RMDN1: variants seen among roughly 807,000 people sequenced by gnomAD.
The protein encoded by RMDN1 is regulator of microtubule dynamics protein 1.
A neutral mutation model predicts 48.9 loss-of-function variants in RMDN1; 48 were observed. The ratio of observed to expected loss-of-function variants is 0.98; its 90% CI spans 0.78 to 1.25. RMDN1 has a LOEUF of 1.25. Ranked by LOEUF, RMDN1 falls within the 50% of genes most tolerant of loss-of-function variation. The probability of loss-of-function intolerance (pLI) is 0.00; values close to 1 mark genes in which losing one functional copy is unlikely to be tolerated. For synonymous variants in RMDN1, 148 were observed against 132.6 expected (o/e 1.12, Z -0.80); for missense variants, 418 against 373.4 (o/e 1.12, Z -0.98).
intron 2 of RMDN1, chr8:86,504,848 T>C (rs1819038733): frequency 9.3e-7 from 1 of 1,076,170 alleles, no homozygotes; most frequent in Admixed American, 1.7e-5. Context: ...CCTCTGCTGC[T>C]TATTATTTAG....
chr8:86,473,992 C>T lies in RMDN1; in HGVS notation c.*316G>A, dbSNP rs1812942170. On this transcript the variant is annotated 3_prime_UTR_variant, in exon 10 of 10. Coordinates refer to ENST00000406452, the MANE Select transcript of RMDN1 (RefSeq NM_016033.3). ...CTATAGATCCATTTCCCCTCCTCTA[C>T]AAATATTTCTTTGCTTGATCTCCCA... is the stretch of plus-strand genomic sequence containing the variant. The T allele has an allele frequency of 8.4e-6, 9 of 1,075,130 alleles. No homozygotes were observed. The highest frequency in any genetic ancestry group is 1.7e-5 in the African/African-American group (1 of 59,464). 66.6% of individuals were successfully genotyped at this position (1,075,130 alleles called of 1,614,324 possible).
chr8:86,468,807 G>C, downstream of RMDN1: 1 of 435,778 alleles, frequency 2.3e-6, no homozygotes, highest in Non-Finnish European at 4.6e-6. Flanking sequence ...CAGAGCTCTT[G>C]ATTTATCTAC....
chr8:86,503,366 C>CAAAAAAAAAAAAAAAAAAAAAAAAA (rs1354324383), intron 2 of RMDN1, among the ~76,000 whole-genome samples: 13 of 70,454 alleles, frequency 1.8e-4, no homozygotes, highest in Non-Finnish European at 2.9e-4. Flanking sequence ...CAAAACAAAA[C>CAAAAAAAAAAAAAAAAAAAAAAAAA]AAAACAAAAA....
upstream of RMDN1, among the ~76,000 whole-genome samples, chr8:86,513,229 C>T (rs757317620): frequency 3.9e-5 from 6 of 152,078 alleles, no homozygotes; most frequent in Admixed American, 6.5e-5. Flanking sequence ...ACAAAATTAG[C>T]TGGGCATGGT....
At position 86,503,390 on chromosome 8, in the gene RMDN1, C is replaced by CA. The variant is rs1405705068; in HGVS notation, c.247+3604dup. Among the ~76,000 whole-genome samples, 257 of 56,528 alleles carry CA rather than the reference C, an allele frequency of 4.5e-3. 18 individuals are homozygous for CA. Among genetic ancestry groups the CA allele is most frequent in the African/African-American group, 0.014 (210 of 15,078 alleles). 37.1% of individuals were successfully genotyped at this position (56,528 alleles called of 152,430 possible). On this transcript the variant is annotated intron_variant, in intron 2 of 9. Transcript: ENST00000406452. Reference sequence around the variant, plus strand: ...ACAAAACAAAAAAAAAAAAAAAAAACAAAAAAAAATAACAAAAATAACTTG... The same window carrying CA: ...ACAAAACAAAAAAAAAAAAAAAAAACAAAAAAAAAATAACAAAAATAACTTG...
chr8:86,477,958 T>G (rs1813667461), intron 7 of RMDN1: 1 of 151,860 alleles, frequency 6.6e-6, no homozygotes, highest in Non-Finnish European at 1.5e-5. Flanking sequence ...GCAATCACTG[T>G]TTATTGCAGC....
chr8:86,508,058 A>G (rs1819672222), intron 1 of RMDN1: 1 of 158,914 alleles, frequency 6.3e-6, no homozygotes, highest in African/African-American at 2.4e-5. Flanking sequence ...TTTTAAACAA[A>G]AACCTAAACA....
chr8:86,501,777 CCT>C (rs1222231939), intron 2 of RMDN1, among the ~76,000 whole-genome samples: 1 of 151,976 alleles, frequency 6.6e-6, no homozygotes, highest in Non-Finnish European at 1.5e-5. Context: ...TAAGACTTGT[CCT>C]AACTATTTTA....
intron 2 of RMDN1, 55 bp from the exon 3 acceptor site, chr8:86,488,694 A>G: frequency 8.3e-7 from 1 of 1,197,642 alleles, no homozygotes; most frequent in Non-Finnish European, 1.2e-6. Context: ...CCCAAGTCAG[A>G]TGACAATAAT....
intron 1 of RMDN1, among the ~76,000 whole-genome samples, chr8:86,507,533 TCTCA>T (rs1819581498): frequency 6.6e-6 from 1 of 152,106 alleles, no homozygotes; most frequent in African/African-American, 2.4e-5. Flanking sequence ...AGAGACAGGG[TCTCA>T]CTGTGTTGCC....
intron 5 of RMDN1, chr8:86,482,541 T>G: frequency 1.4e-6 from 1 of 720,918 alleles, no homozygotes; most frequent in Non-Finnish European, 2.6e-6. Flanking sequence ...ACTAAGTGAA[T>G]GTCATCTTCT....
intron 2 of RMDN1, among the ~76,000 whole-genome samples, chr8:86,489,135 G>T (rs1025948526): frequency 2.6e-5 from 4 of 152,142 alleles, no homozygotes; most frequent in Non-Finnish European, 5.9e-5. Context: ...TACTTAAACA[G>T]CACTGAATGT....
rs1421024415 is a variant in RMDN1, at chr8:86,474,217, C to T, written c.*91G>A. Reference sequence around the variant, plus strand: ...TAAATGGTCACAACATTTAAAAAGCCGTAGAACAGTTATAGTTCATATATT... The same window carrying T: ...TAAATGGTCACAACATTTAAAAAGCTGTAGAACAGTTATAGTTCATATATT... On this transcript the variant is annotated 3_prime_UTR_variant, in exon 10 of 10. Coordinates refer to ENST00000406452, the MANE Select transcript of RMDN1 (RefSeq NM_016033.3). 1.0e-5 allele frequency: 16 copies of T among 1,559,036 alleles called. No homozygotes were observed. Among genetic ancestry groups the T allele is most frequent in the African/African-American group, 1.4e-5 (1 of 72,526 alleles).
rs766332830 is a variant in RMDN1, at chr8:86,486,692, ATTG to A, written c.336-52_336-50del. The A allele has an allele frequency of 1.1e-5, 16 of 1,470,114 alleles. No individual in the cohort carries two copies. In the South Asian group the frequency reaches 2.0e-4, roughly 19 times the overall value. The allele number at this position is 1,470,114 out of a possible 1,614,324, so 91.1% of individuals were successfully genotyped here. On this transcript the variant is annotated intron_variant, in intron 3 of 9. Transcript: ENST00000406452. ...CAACCATTTTAGCTCACATTTAAAAATTGTTAAGGGTTACATTACTAATGAATA... is the reference window on the plus strand; with the variant it reads ...CAACCATTTTAGCTCACATTTAAAAATTAAGGGTTACATTACTAATGAATA...
chr8:86,496,018 A>C (rs1451043534), intron 2 of RMDN1, among the ~76,000 whole-genome samples: 1 of 152,186 alleles, frequency 6.6e-6, no homozygotes, highest in Non-Finnish European at 1.5e-5. Context: ...AAAGAAAAAA[A>C]AATTCCAACC....
At chr8:86,504,721 G>A in intron 2 of RMDN1, 1 of 947,530 alleles carries the variant, frequency 1.1e-6, no homozygotes. Flanking sequence ...ATTGGACCAG[G>A]TCCCATTTCC....
chr8:86,514,065 G>A (rs1563679789), intron 1 of RMDN1, among the ~76,000 whole-genome samples: 2 of 151,974 alleles, frequency 1.3e-5, no homozygotes, highest in East Asian at 1.9e-4. Context: ...CCAGGCTGGG[G>A]CTGGTCTCCA....
intron 2 of RMDN1, among the ~76,000 whole-genome samples, chr8:86,494,469 T>A (rs974655666): frequency 1.3e-5 from 2 of 152,062 alleles, no homozygotes; most frequent in African/African-American, 4.8e-5. Context: ...GGCAGGAGGA[T>A]TGCCTGAGTC....
intron 1 of RMDN1, among the ~76,000 whole-genome samples, chr8:86,514,010 T>C (rs1820181076): frequency 6.6e-6 from 1 of 152,066 alleles, no homozygotes; most frequent in South Asian, 2.1e-4. Flanking sequence ...CAGCTATTTT[T>C]TTTTTTACTT....
Sources: gnomAD v4.1 joint callset for allele counts (sites outside exome capture counted in the v4.1 genomes callset) on GRCh38, gnomAD v4.1.1 for gene constraint, MANE v1.5 for transcripts, NCBI Gene and HGNC (gene_info 2026-07-23, HGNC 2026-07-21) for gene names.